Variants in AGPAT3 observed in about 807,000 individuals in gnomAD.
AGPAT3 encodes the protein 1-acylglycerol-3-phosphate O-acyltransferase 3.
In AGPAT3, 5 loss-of-function variants were observed where a neutral mutation model predicts 47.3. That is an observed-to-expected ratio of 0.11 (90% CI 0.06 to 0.22). AGPAT3 has a LOEUF of 0.22. Among genes scored for constraint, AGPAT3 ranks in the 10% least tolerant of loss-of-function variants. AGPAT3 has a pLI of 1.00. For missense variants in AGPAT3, 315 were observed against 493.0 expected (o/e 0.64, Z 3.42); for synonymous variants, 212 against 208.3 (o/e 1.02, Z -0.15).
In AGPAT3 at chr21:43,955,128, A is replaced by G. The variant is rs1232111270; in HGVS notation, c.-48-4506A>G. The G allele has an allele frequency of 1.6e-6, 2 of 1,275,906 alleles. No homozygotes were observed. The highest frequency in any genetic ancestry group is 5.8e-5 in the East Asian group (1 of 17,172). 79.0% of individuals were successfully genotyped at this position (1,275,906 alleles called of 1,614,324 possible). On this transcript the variant is annotated intron_variant, in intron 2 of 9. Transcript: ENST00000291572. This position sits in a 1 kb window ranked among gnomAD's most constrained non-coding sequence, Gnocchi z 4.1. ...GTGGCACGTCCATGCCGTGGGGGTC[A>G]CTCAGCAGCCACGGATGCGCCCTGG...
chr21:43,877,607 T>A (rs1022367569), intron 1 of AGPAT3, among the ~76,000 whole-genome samples: 1 of 152,146 alleles, frequency 6.6e-6, no homozygotes, highest in Non-Finnish European at 1.5e-5. Context: ...CATGCCCTGC[T>A]ATTTTTTTGT....
chr21:43,949,477 G>A (rs2088076442), intron 2 of AGPAT3, among the ~76,000 whole-genome samples: 1 of 152,248 alleles, frequency 6.6e-6, no homozygotes, highest in Non-Finnish European at 1.5e-5. Flanking sequence ...ATGGCCACAA[G>A]GGTGTAAGGG....
rs1200607124 is a variant in AGPAT3 at position 43,959,487 on chromosome 21, G to A, written c.-48-147G>A. The A allele has an allele frequency of 1.2e-5, 8 of 676,786 alleles. No individual in the cohort carries two copies. In the East Asian group the frequency reaches 2.2e-4, roughly 19 times the overall value. The allele number at this position is 676,786 out of a possible 1,614,324, so 41.9% of individuals were successfully genotyped here. A position where few individuals can be genotyped will look rare whatever the true frequency, so the allele number is the denominator to read the frequency against. On this transcript the variant is annotated intron_variant, in intron 2 of 9. Transcript: ENST00000291572. ...CATGTGTGTGGTTTGTATGTGTGTG[G>A]CACGTGTGTGGGGTTTGCAGTGTGC...
intron 7 of AGPAT3, among the ~76,000 whole-genome samples, chr21:43,972,501 C>T (rs182564096): frequency 1.2e-4 from 18 of 152,244 alleles, no homozygotes; most frequent in African/African-American, 4.3e-4. Flanking sequence ...CTATGGGGCC[C>T]CAGTCCTGTC....
chr21:43,905,390 A>G (rs2086469903), intron 2 of AGPAT3, among the ~76,000 whole-genome samples: 1 of 151,874 alleles, frequency 6.6e-6, no homozygotes, highest in African/African-American at 2.4e-5. Flanking sequence ...GGGTTTCACC[A>G]TGTTGGCCAG....
intron 1 of AGPAT3, among the ~76,000 whole-genome samples, chr21:43,874,325 C>T (rs530754989): frequency 3.9e-5 from 6 of 152,354 alleles, no homozygotes; most frequent in Admixed American, 6.5e-5. Context: ...CACGCCCGGT[C>T]CTGTCATAAG....
At chr21:43,871,630 G>A (rs1021453574) in intron 1 of AGPAT3, among the ~76,000 whole-genome samples, 2 of 152,172 alleles carry the variant, frequency 1.3e-5, no homozygotes, top group East Asian at 1.9e-4. Flanking sequence ...CTTGATTTAC[G>A]CCTGCCTGCT....
At chr21:43,951,844 C>T (rs1268163946) in intron 2 of AGPAT3, among the ~76,000 whole-genome samples, 1 of 152,052 alleles carries the variant, frequency 6.6e-6, no homozygotes, top group African/African-American at 2.4e-5. Context: ...GGCAGCGGTG[C>T]GGAGGTGGTG....
chr21:43,877,490 TG>T (rs1316811030), intron 1 of AGPAT3, among the ~76,000 whole-genome samples: 2 of 152,136 alleles, frequency 1.3e-5, no homozygotes, highest in Non-Finnish European at 2.9e-5. Context: ...TTGCCCAGTC[TG>T]GAGTACAATG....
chr21:43,959,014 G>A (rs1459490528), intron 2 of AGPAT3, among the ~76,000 whole-genome samples: 1 of 134,640 alleles, frequency 7.4e-6, no homozygotes, highest in Admixed American at 7.4e-5. Flanking sequence ...GCATGTGTGT[G>A]GTTTGCAGTG....
In AGPAT3 at chr21:43,954,854, C is replaced by A; in HGVS notation, c.-48-4780C>A. 1 of 233,592 alleles carries A rather than the reference C, an allele frequency of 4.3e-6. No individual in the cohort carries two copies. Among genetic ancestry groups the A allele is most frequent in the Non-Finnish European group, 7.7e-6 (1 of 130,050 alleles). 14.5% of individuals were successfully genotyped at this position (233,592 alleles called of 1,614,324 possible). ...CACTGAGTGCTGTGTGGCACCCGGG[C>A]CAGGAGAAACATGTGCCAGAGGGCA... On this transcript the variant is annotated intron_variant, in intron 2 of 9. Coordinates refer to ENST00000291572, the MANE Select transcript of AGPAT3 (RefSeq NM_020132.5). The surrounding 1 kb of genome is among the most constrained non-coding windows in gnomAD (Gnocchi z 4.0).
At chr21:43,898,886 T>G (rs1009817556) in intron 1 of AGPAT3, among the ~76,000 whole-genome samples, 4 of 69,110 alleles carry the variant, frequency 5.8e-5, no homozygotes, top group African/African-American at 1.3e-4. Context: ...ATTATTACTG[T>G]TTTTTTTTTT....
chr21:43,902,875 C>A lies in AGPAT3; in HGVS notation c.-111-1082C>A, dbSNP rs531570618. On this transcript the variant is annotated intron_variant, in intron 1 of 9. Transcript: ENST00000291572. ...ATTATCTGGGCATGGTGGCATGCAC[C>A]TGTAGTCCTAGCTACTTGGGAGGCT... Among the ~76,000 whole-genome samples the A allele has an allele frequency of 9.4e-4, 143 of 152,282 alleles. 1 individual carries two copies. Among genetic ancestry groups the A allele is most frequent in the Non-Finnish European group, 1.6e-3 (110 of 68,020 alleles).
chr21:43,980,395 C>T (rs1019630768), intron 8 of AGPAT3, among the ~76,000 whole-genome samples: 3 of 152,136 alleles, frequency 2.0e-5, no homozygotes, highest in Admixed American at 6.5e-5. Context: ...AGTGTCTGCT[C>T]TATCAGGCAT....
At position 43,967,278 on chromosome 21, in the gene AGPAT3, C is replaced by A. The variant is rs185673377; in HGVS notation, c.179-668C>A. On this transcript the variant is annotated intron_variant, in intron 3 of 9. Coordinates refer to ENST00000291572, the MANE Select transcript of AGPAT3 (RefSeq NM_020132.5). ...GGGTGGGGGGGACAAGCACTCAAAG[C>A]CAGGACTGGCACCCCTCACATGCCA... is the stretch of plus-strand genomic sequence containing the variant. 465 of 152,544 alleles carry A rather than the reference C, an allele frequency of 3.0e-3. 2 individuals are homozygous for A. Among genetic ancestry groups the A allele is most frequent in the Non-Finnish European group, 2.3e-3 (160 of 68,222 alleles). The allele number at this position is 152,544 out of a possible 1,614,324, so 9.4% of individuals were successfully genotyped here. A position where few individuals can be genotyped will look rare whatever the true frequency, so the allele number is the denominator to read the frequency against.
In AGPAT3 at chr21:43,920,183, G is replaced by C. The variant is rs2086856581; in HGVS notation, c.-49+16164G>C. Among the ~76,000 whole-genome samples the C allele has an allele frequency of 6.6e-6, 1 of 151,278 alleles. No individual in the cohort carries two copies. Among genetic ancestry groups the C allele is most frequent in the Admixed American group, 6.6e-5 (1 of 15,132 alleles). On this transcript the variant is annotated intron_variant, in intron 2 of 9. Transcript: ENST00000291572. This position sits in a 1 kb window ranked among gnomAD's most constrained non-coding sequence, Gnocchi z 6.1. ...TCCATTTCTTCCCCCACTGCATGCT[G>C]GGACACTCATCATGTCTTCAGCCCT...
At chr21:43,894,332 T>C (rs1047958202) in intron 1 of AGPAT3, among the ~76,000 whole-genome samples, 3 of 151,988 alleles carry the variant, frequency 2.0e-5, no homozygotes, top group African/African-American at 7.2e-5. Flanking sequence ...ATCATTTTTT[T>C]GGTGGTGGAT....
At chr21:43,977,713 T>TA (rs959204016) in intron 7 of AGPAT3, among the ~76,000 whole-genome samples, 23 of 150,124 alleles carry the variant, frequency 1.5e-4, no homozygotes, top group Middle Eastern at 3.4e-3. Flanking sequence ...CCGTCTCTAC[T>TA]AAAAAAAAAT....
At chr21:43,936,770 C>T (rs142639999) in intron 2 of AGPAT3, among the ~76,000 whole-genome samples, 4 of 152,232 alleles carry the variant, frequency 2.6e-5, no homozygotes, top group Non-Finnish European at 5.9e-5. Context: ...CCATGCCTGG[C>T]GCCAGCCTGG....
Sources: gnomAD v4.1 joint callset for allele counts (sites outside exome capture counted in the v4.1 genomes callset) on GRCh38, gnomAD v4.1.1 for gene constraint, Gnocchi (gnomAD v3.1) non-coding constraint, MANE v1.5 for transcripts, NCBI Gene and HGNC (gene_info 2026-07-23, HGNC 2026-07-21) for gene names.